Variants in TASP1 observed in about 807,000 individuals in gnomAD.
TASP1 encodes taspase 1.
A neutral mutation model predicts 56.6 loss-of-function variants in TASP1; 16 were observed. That is an observed-to-expected ratio of 0.28 (90% CI 0.19 to 0.43). The LOEUF (loss-of-function observed/expected upper bound fraction) is 0.43, where lower values mean the gene tolerates loss of function less well. Among genes scored for constraint, TASP1 ranks in the 20% least tolerant of loss-of-function variants. TASP1 has a pLI of 1.00. For missense variants in TASP1, 393 were observed against 511.6 expected, an observed-to-expected ratio of 0.77 and a Z score of 2.24; for synonymous variants, 179 against 184.2, an observed-to-expected ratio of 0.97 and a Z score of 0.23.
At chr20:13,350,759 A>G in the TASP1 span, among the ~76,000 whole-genome samples, 2 of 152,066 alleles carry the variant, frequency 1.3e-5, no homozygotes, top group Non-Finnish European at 2.9e-5. Context: ...TGGTGTGATC[A>G]TAGCTCACTA....
chr20:13,140,656 C>T, the TASP1 span, among the ~76,000 whole-genome samples: 1 of 152,170 alleles, frequency 6.6e-6, no homozygotes, highest in African/African-American at 2.4e-5. Context: ...AAAAAAACAG[C>T]TCTAAAGCTT....
chr20:13,270,755 C>T, the TASP1 span: 3 of 1,611,154 alleles, frequency 1.9e-6, no homozygotes, highest in East Asian at 6.7e-5. Flanking sequence ...TAATTCTTGG[C>T]ACCTGGAAGA....
At chr20:13,162,736 A>T in the TASP1 span, among the ~76,000 whole-genome samples, 1 of 152,214 alleles carries the variant, frequency 6.6e-6, no homozygotes, top group South Asian at 2.1e-4. Flanking sequence ...GATAGAAATT[A>T]TAAATATATA....
At chr20:13,339,845 A>G in the TASP1 span, among the ~76,000 whole-genome samples, 1 of 152,058 alleles carries the variant, frequency 6.6e-6, no homozygotes, top group Non-Finnish European at 1.5e-5. Context: ...CACGCTCAAT[A>G]TGAAAACAGT....
the TASP1 span, among the ~76,000 whole-genome samples, chr20:13,156,561 T>A: frequency 6.6e-6 from 1 of 152,230 alleles, no homozygotes; most frequent in African/African-American, 2.4e-5. Context: ...TATGATAGTA[T>A]CTTATTTCAT....
chr20:13,179,401 A>ATGTGTGTGTGTGTG, the TASP1 span, among the ~76,000 whole-genome samples: 11 of 108,294 alleles, frequency 1.0e-4, no homozygotes, highest in Non-Finnish European at 1.6e-4. Flanking sequence ...AAGTAGAATT[A>ATGTGTGTGTGTGTG]TGTGCGTGTG....
chr20:13,447,220 T>C (rs1473420121), intron 11 of TASP1, among the ~76,000 whole-genome samples: 1 of 152,200 alleles, frequency 6.6e-6, no homozygotes, highest in Non-Finnish European at 1.5e-5. Flanking sequence ...AACTTTTTGA[T>C]TATTACTAAT....
intron 13 of TASP1, among the ~76,000 whole-genome samples, chr20:13,399,800 C>T (rs1434912040): frequency 3.3e-5 from 5 of 152,168 alleles, no homozygotes; most frequent in Non-Finnish European, 7.3e-5. Flanking sequence ...AGGGGAAAAG[C>T]CCAAATACTG....
the TASP1 span, among the ~76,000 whole-genome samples, chr20:13,256,492 G>T: frequency 6.6e-6 from 1 of 151,960 alleles, no homozygotes; most frequent in African/African-American, 2.4e-5. Flanking sequence ...CCCCCACCAG[G>T]CAGGTCCAGC....
intron 13 of TASP1, among the ~76,000 whole-genome samples, chr20:13,410,462 C>T (rs983794105): frequency 6.6e-6 from 1 of 152,068 alleles, no homozygotes; most frequent in Non-Finnish European, 1.5e-5. Context: ...GTATGAGTTT[C>T]GTTTTTTCTG....
chr20:13,350,918 C>T, the TASP1 span, among the ~76,000 whole-genome samples: 1 of 150,882 alleles, frequency 6.6e-6, no homozygotes, highest in African/African-American at 2.4e-5. Context: ...CCAGGCTGAT[C>T]TTGAGCTCCT....
At chr20:13,572,162 C>T (rs112965047) in intron 6 of TASP1, among the ~76,000 whole-genome samples, 111 of 152,052 alleles carry the variant, frequency 7.3e-4, no homozygotes, top group Middle Eastern at 3.4e-3. Flanking sequence ...TGGAGATCTT[C>T]GTTTCTTCAT....
rs553191051 is a variant in TASP1 at position 13,497,766 on chromosome 20, T to C, written c.875-14429A>G. On this transcript the variant is annotated intron_variant, in intron 10 of 13. Coordinates refer to ENST00000337743, the MANE Select transcript of TASP1 (RefSeq NM_017714.3). ...CAAAGCTACAATAACCAAAACAGTATGGTACTGGTAAAAAAACAGACACAT... is the reference window on the plus strand; with the variant it reads ...CAAAGCTACAATAACCAAAACAGTACGGTACTGGTAAAAAAACAGACACAT... 2.0e-4 allele frequency among the ~76,000 whole-genome samples: 31 copies of C among 152,248 alleles called. 3 individuals are homozygous for C. Among genetic ancestry groups the C allele is most frequent in the African/African-American group, 7.2e-4 (30 of 41,546 alleles).
the TASP1 span, among the ~76,000 whole-genome samples, chr20:13,343,945 C>T: frequency 1.3e-5 from 2 of 152,028 alleles, no homozygotes; most frequent in South Asian, 4.1e-4. Flanking sequence ...TCTGTGGGTC[C>T]TCCCAGCCCA....
chr20:13,154,007 G>T, the TASP1 span: 3 of 1,613,892 alleles, frequency 1.9e-6, no homozygotes, highest in East Asian at 2.2e-5. Context: ...TTTCAGGGCT[G>T]CAGAGAGTAC....
At chr20:13,565,573 A>C (rs1312287581) in intron 7 of TASP1, among the ~76,000 whole-genome samples, 1 of 152,232 alleles carries the variant, frequency 6.6e-6, no homozygotes, top group Non-Finnish European at 1.5e-5. Flanking sequence ...AAAATGGCCA[A>C]TAAGCACATA....
chr20:13,312,725 C>G, the TASP1 span, among the ~76,000 whole-genome samples: 3 of 152,134 alleles, frequency 2.0e-5, no homozygotes, highest in Non-Finnish European at 2.9e-5. Context: ...GCTGAAACAC[C>G]TACTTTGTGC....
chr20:13,224,128 A>G, the TASP1 span, among the ~76,000 whole-genome samples: 1 of 152,166 alleles, frequency 6.6e-6, no homozygotes, highest in Non-Finnish European at 1.5e-5. Context: ...GTAGCTGCTA[A>G]TCCACCAGCT....
the TASP1 span, among the ~76,000 whole-genome samples, chr20:13,122,177 C>A: frequency 6.6e-6 from 1 of 152,196 alleles, no homozygotes; most frequent in South Asian, 2.1e-4. Flanking sequence ...CAGGCCACCA[C>A]TAGGTATCCA....
Sources: gnomAD v4.1 joint callset for allele counts (sites outside exome capture counted in the v4.1 genomes callset) on GRCh38, gnomAD v4.1.1 for gene constraint, MANE v1.5 for transcripts, NCBI Gene and HGNC (gene_info 2026-07-23, HGNC 2026-07-21) for gene names.